Variants in GRIN2B observed in about 807,000 individuals in gnomAD.
GRIN2B encodes glutamate receptor ionotropic, NMDA 2B.
GRIN2B carries 5 observed loss-of-function variants against 114.5 expected under a neutral mutation model. The ratio of observed to expected loss-of-function variants is 0.04; its 90% confidence interval spans 0.02 to 0.09. The LOEUF is 0.09. GRIN2B is among the 10% of genes least tolerant of loss of function. The probability of loss-of-function intolerance (pLI) is 1.00; values close to 1 mark genes in which losing one functional copy is unlikely to be tolerated. For missense variants in GRIN2B, 1,108 were observed against 1,943.5 expected (o/e 0.57, Z 8.08); for synonymous variants, 787 against 745.1 (o/e 1.06, Z -0.92).
At chr12:13,720,013 G>T (rs1459085809) in intron 4 of GRIN2B, among the ~76,000 whole-genome samples, 1 of 152,046 alleles carries the variant, frequency 6.6e-6, no homozygotes, top group Admixed American at 6.6e-5. Flanking sequence ...GGCTGGGAAA[G>T]GTTGGCCCCA....
intron 2 of GRIN2B, among the ~76,000 whole-genome samples, chr12:13,905,738 C>G (rs145265499): frequency 0.014 from 2,107 of 152,272 alleles, 25 homozygotes; most frequent in Middle Eastern, 0.034. Context: ...GAGGGTTCTT[C>G]ACCATTCATT....
intron 2 of GRIN2B, among the ~76,000 whole-genome samples, chr12:13,868,142 T>G (rs1394390588): frequency 1.3e-5 from 2 of 152,124 alleles, no homozygotes; most frequent in African/African-American, 4.8e-5. Flanking sequence ...CCTTCAACAC[T>G]GCCAAGAAGG....
intron 2 of GRIN2B, among the ~76,000 whole-genome samples, chr12:13,934,689 A>C (rs867418243): frequency 2.1e-5 from 3 of 144,184 alleles, no homozygotes; most frequent in South Asian, 2.1e-4. Context: ...CAACTTCATC[A>C]CTGGCAGGAA....
chr12:13,706,704 T>C (rs12372461), intron 4 of GRIN2B, among the ~76,000 whole-genome samples: 60,746 of 151,980 alleles, frequency 0.4, 12,514 homozygotes, highest in Non-Finnish European at 0.45. Flanking sequence ...GAAGATTTTT[T>C]GAATCTCCTA....
At position 13,548,382 on chromosome 12, in the gene GRIN2B, T is replaced by C. The variant is rs1042379938; in HGVS notation, c.*14401A>G. ...GAAAAGCTGAACTTTTCATTTCTAT[T>C]TTAATATTTAATACTAAGTACAAGA... On this transcript the variant is annotated 3_prime_UTR_variant, in exon 14 of 14. Transcript: ENST00000609686. 20 of 152,048 alleles carry C rather than the reference T, an allele frequency of 1.3e-4. No individual in the cohort carries two copies. Among genetic ancestry groups the C allele is most frequent in the African/African-American group, 4.4e-4 (18 of 41,368 alleles). The allele number at this position is 152,048 out of a possible 1,614,324, so 9.4% of individuals were successfully genotyped here.
chr12:13,922,023 C>G (rs186166206), intron 2 of GRIN2B, among the ~76,000 whole-genome samples: 1 of 152,128 alleles, frequency 6.6e-6, no homozygotes. Flanking sequence ...GTTATTATAC[C>G]TATTTCTCAG....
intron 2 of GRIN2B, among the ~76,000 whole-genome samples, chr12:13,966,675 C>T (rs947527062): frequency 6.6e-6 from 1 of 152,206 alleles, no homozygotes. Flanking sequence ...CATCACACTG[C>T]ACCACCCAAA....
intron 2 of GRIN2B, among the ~76,000 whole-genome samples, chr12:13,938,807 GCTAGCTATTACAGT>G (rs1308537965): frequency 1.3e-5 from 2 of 152,144 alleles, no homozygotes; most frequent in African/African-American, 2.4e-5. Context: ...GATCAGAGTT[GCTAGCTATTACAGT>G]TGCTTATGTT....
intron 3 of GRIN2B, among the ~76,000 whole-genome samples, chr12:13,834,130 A>G (rs1300408114): frequency 7.4e-6 from 1 of 134,852 alleles, no homozygotes; most frequent in African/African-American, 2.8e-5. Context: ...TCCCGTGTTC[A>G]TGCCATTCTC....
At chr12:13,629,725 T>G (rs186010875) in intron 5 of GRIN2B, among the ~76,000 whole-genome samples, 25 of 152,204 alleles carry the variant, frequency 1.6e-4, no homozygotes, top group Admixed American at 1.4e-3. Flanking sequence ...TTGTTTCTTT[T>G]TTGGCTTATC....
chr12:13,616,636 A>G lies in GRIN2B; in HGVS notation c.1147T>C (p.Ser383Pro). 1 of 1,613,850 alleles carries G rather than the reference A, an allele frequency of 6.2e-7. No homozygotes were observed. Among genetic ancestry groups the G allele is most frequent in the Non-Finnish European group, 8.5e-7 (1 of 1,179,800 alleles). Reference protein sequence around the residue: ...WERVGKWKDKSLQMKYYVWPR... With the variant: ...WERVGKWKDKPLQMKYYVWPR... ...CACACATAGTACTTCATCTGCAGGG[A>G]CTTGTCTTTCCACTTCCCCACCTGC... is the stretch of plus-strand genomic sequence containing the variant. Residue 383 changes from serine to proline, a missense_variant, in exon 6 of 14, where the codon TCC becomes CCC. By Grantham distance (74) the Ser-to-Pro change is moderately conservative. This residue lies in a region of GRIN2B where 21 missense variants were observed against 25.4 expected (regional missense o/e 0.83). Coordinates refer to ENST00000609686, the MANE Select transcript of GRIN2B (RefSeq NM_000834.5).
intron 10 of GRIN2B, among the ~76,000 whole-genome samples, chr12:13,572,908 G>GT (rs1422328554): frequency 6.6e-6 from 1 of 152,138 alleles, no homozygotes; most frequent in African/African-American, 2.4e-5. Context: ...GTTATTCTTT[G>GT]TTTAGATCAC....
chr12:13,785,649 A>G (rs1864211986), intron 3 of GRIN2B, among the ~76,000 whole-genome samples: 1 of 152,244 alleles, frequency 6.6e-6, no homozygotes, highest in Admixed American at 6.5e-5. Flanking sequence ...TAATGAAAAG[A>G]ATGTAATAAC....
intron 4 of GRIN2B, among the ~76,000 whole-genome samples, chr12:13,745,045 C>G (rs1863352895): frequency 6.6e-6 from 1 of 152,096 alleles, no homozygotes; most frequent in Non-Finnish European, 1.5e-5. Flanking sequence ...CTGACAGCAC[C>G]ATTTGAGAGG....
At chr12:13,787,220 C>T (rs1864236988) in intron 3 of GRIN2B, among the ~76,000 whole-genome samples, 1 of 152,174 alleles carries the variant, frequency 6.6e-6, no homozygotes, top group East Asian at 1.9e-4. Flanking sequence ...TATGAGAAGC[C>T]CCTGCATAAA....
At chr12:13,664,719 C>G (rs1949957717) in intron 5 of GRIN2B, among the ~76,000 whole-genome samples, 2 of 151,972 alleles carry the variant, frequency 1.3e-5, no homozygotes, top group South Asian at 4.2e-4. Flanking sequence ...TAATTTATCT[C>G]ATTTTATGTA....
At chr12:13,611,940 G>T (rs903209458) in intron 8 of GRIN2B, 90 bp from the exon 9 acceptor site, 47 of 1,368,714 alleles carry the variant, frequency 3.4e-5, no homozygotes, top group Middle Eastern at 1.8e-4. Flanking sequence ...ATTTTAGGGG[G>T]TGGGGAACAA....
chr12:13,675,266 A>C (rs374688770), intron 5 of GRIN2B, among the ~76,000 whole-genome samples: 1 of 152,082 alleles, frequency 6.6e-6, no homozygotes, highest in Non-Finnish European at 1.5e-5. Context: ...TTAATTTCTG[A>C]TGGTAGAATT....
chr12:13,571,695 T>C (rs1948710972), intron 11 of GRIN2B, 109 bp downstream of exon 11: 3 of 1,190,028 alleles, frequency 2.5e-6, no homozygotes, highest in Admixed American at 3.4e-5. Context: ...AAGTCTTCTT[T>C]AACATTTTAT....
Sources: allele counts gnomAD v4.1 joint callset (sites outside exome capture counted in the v4.1 genomes callset), GRCh38; gene constraint gnomAD v4.1.1; regional missense constraint gnomAD v4.1.1; transcripts MANE v1.5; gene names NCBI Gene and HGNC (gene_info 2026-07-23, HGNC 2026-07-21).